NRG4: variants seen among roughly 807,000 people sequenced by gnomAD.
The protein encoded by NRG4 is neuregulin 4.
Under a neutral mutation model 15.0 loss-of-function variants are expected in NRG4, and 10 were observed. The observed-to-expected ratio is 0.67, with a 90% CI of 0.41 to 1.13. The LOEUF (loss-of-function observed/expected upper bound fraction) is 1.13. Ranked by LOEUF, NRG4 falls within the 50% of genes most tolerant of loss-of-function variation. The pLI, the probability that NRG4 is intolerant of heterozygous loss-of-function variation, is 0.00. For missense variants in NRG4, 139 were observed against 140.2 expected (o/e 0.99, Z 0.04); for synonymous variants, 41 against 50.1 (o/e 0.82, Z 0.77).
At chr15:75,952,287 T>G (rs538005372) in intron 5 of NRG4, among the ~76,000 whole-genome samples, 3 of 152,320 alleles carry the variant, frequency 2.0e-5, no homozygotes, top group African/African-American at 7.2e-5. Flanking sequence ...ACTGTCTGTC[T>G]CTATAGATTT....
intron 4 of NRG4, among the ~76,000 whole-genome samples, chr15:76,050,357 G>A (rs1442595933): frequency 6.7e-6 from 1 of 149,846 alleles, no homozygotes; most frequent in Non-Finnish European, 1.5e-5. Context: ...CCTTCGTAGA[G>A]GTTAGAAAAG....
intron 4 of NRG4, among the ~76,000 whole-genome samples, chr15:76,047,044 A>G (rs2035884103): frequency 6.6e-6 from 1 of 151,042 alleles, no homozygotes; most frequent in South Asian, 2.1e-4. Context: ...CAAATGGTCA[A>G]CATGTGTATT....
At chr15:76,007,846 T>C (rs150541307) in intron 3 of NRG4, among the ~76,000 whole-genome samples, 16 of 152,286 alleles carry the variant, frequency 1.1e-4, no homozygotes, top group Non-Finnish European at 1.9e-4. Flanking sequence ...TTGTGAGTTG[T>C]ATTCAAAGGT....
intron 3 of NRG4, among the ~76,000 whole-genome samples, chr15:76,004,625 T>TTA (rs933445186): frequency 2.0e-5 from 3 of 151,618 alleles, no homozygotes; most frequent in Non-Finnish European, 4.4e-5. Flanking sequence ...AAATTTTTTT[T>TTA]TACTATGAAT....
rs1595980309 is a variant in NRG4, at chr15:75,977,963, C to G, written c.105-15989G>C. Among the ~76,000 whole-genome samples, 1 of 151,922 alleles carries G rather than the reference C, an allele frequency of 6.6e-6. No individual in the cohort carries two copies. The highest frequency in any genetic ancestry group is 2.4e-5 in the African/African-American group (1 of 41,338). On this transcript the variant is annotated intron_variant, in intron 3 of 5. Coordinates refer to ENST00000394907, the MANE Select transcript of NRG4 (RefSeq NM_138573.4). The surrounding 1 kb of genome is among the most constrained non-coding windows in gnomAD (Gnocchi z 4.9). ...TCCCAAGTAGCTGGGATCACAGGTG[C>G]CTGCCACCATGCCCAGCTAATTTTT...
intron 3 of NRG4, among the ~76,000 whole-genome samples, chr15:76,004,374 G>C (rs2034518721): frequency 6.6e-6 from 1 of 152,082 alleles, no homozygotes. Context: ...GCTGAGGCAG[G>C]CACATCACCT....
chr15:75,949,436 G>T (rs1327033181), intron 5 of NRG4, among the ~76,000 whole-genome samples: 1 of 150,686 alleles, frequency 6.6e-6, no homozygotes, highest in Non-Finnish European at 1.5e-5. Context: ...TAAATGGGCT[G>T]TCTTTTTATT....
intron 4 of NRG4, among the ~76,000 whole-genome samples, chr15:76,042,782 A>G (rs2035775214): frequency 1.3e-5 from 2 of 152,144 alleles, no homozygotes; most frequent in African/African-American, 4.8e-5. Flanking sequence ...AGAGAGGAGG[A>G]GGGAATAGTT....
chr15:75,944,678 C>T (rs1362164419), intron 5 of NRG4, among the ~76,000 whole-genome samples: 1 of 152,202 alleles, frequency 6.6e-6, no homozygotes, highest in Non-Finnish European at 1.5e-5. Flanking sequence ...AAGTCCCAGT[C>T]TTCATAATCG....
chr15:75,967,958 T>C (rs748514393), intron 3 of NRG4, among the ~76,000 whole-genome samples: 31 of 152,218 alleles, frequency 2.0e-4, no homozygotes, highest in Non-Finnish European at 2.6e-4. Context: ...AAGTAAGTCA[T>C]TGAAAATTTG....
intron 3 of NRG4, among the ~76,000 whole-genome samples, chr15:75,963,992 AAC>A (rs1447106702): frequency 1.3e-5 from 2 of 151,840 alleles, no homozygotes; most frequent in Non-Finnish European, 2.9e-5. Context: ...TATGGTGGGA[AAC>A]ACAATTTATA....
At chr15:76,048,462 ACT>A (rs1162013240) in intron 4 of NRG4, among the ~76,000 whole-genome samples, 1 of 123,502 alleles carries the variant, frequency 8.1e-6, no homozygotes, top group East Asian at 2.2e-4. Context: ...ACAAAACAAG[ACT>A]CTGACTCAAA....
chr15:75,936,908 T>G (rs975722899), downstream of NRG4: 10 of 152,058 alleles, frequency 6.6e-5, no homozygotes, highest in African/African-American at 2.2e-4. Flanking sequence ...TTTATAAAAG[T>G]TTTTGCTATA....
intron 3 of NRG4, among the ~76,000 whole-genome samples, chr15:75,965,386 A>G (rs1179052850): frequency 6.6e-6 from 1 of 152,218 alleles, no homozygotes; most frequent in Non-Finnish European, 1.5e-5. Context: ...TACAAAGTAA[A>G]CCAAGCAACA....
chr15:75,995,185 G>T (rs1321050357), intron 3 of NRG4, among the ~76,000 whole-genome samples: 1 of 151,202 alleles, frequency 6.6e-6, no homozygotes, highest in Non-Finnish European at 1.5e-5. Flanking sequence ...ACTCCAGAGT[G>T]AGACCCTGTC....
intron 2 of NRG4, among the ~76,000 whole-genome samples, chr15:76,053,825 C>T (rs565944083): frequency 7.9e-5 from 12 of 151,020 alleles, no homozygotes; most frequent in Non-Finnish European, 1.5e-4. Context: ...GCCACTGCAC[C>T]CGGCCTGTAC....
intron 3 of NRG4, among the ~76,000 whole-genome samples, chr15:75,991,795 G>T (rs2034027854): frequency 6.6e-6 from 1 of 151,842 alleles, no homozygotes; most frequent in Admixed American, 6.6e-5. Flanking sequence ...TCTTCCTGAT[G>T]ACTCCCTCCC....
intron 3 of NRG4, among the ~76,000 whole-genome samples, chr15:75,979,070 G>C (rs747345435): frequency 2.6e-5 from 4 of 151,972 alleles, no homozygotes; most frequent in Non-Finnish European, 5.9e-5. Flanking sequence ...AATTCTGTAG[G>C]TTGTCTCTTC....
At chr15:75,944,926 AC>A (rs1347595784) in intron 5 of NRG4, among the ~76,000 whole-genome samples, 5 of 151,748 alleles carry the variant, frequency 3.3e-5, no homozygotes, top group African/African-American at 9.7e-5. Flanking sequence ...TTACAAAAAA[AC>A]AACAGTAATT....
Sources: allele counts gnomAD v4.1 joint callset (sites outside exome capture counted in the v4.1 genomes callset), GRCh38; gene constraint gnomAD v4.1.1; non-coding constraint Gnocchi (gnomAD v3.1); transcripts MANE v1.5; gene names NCBI Gene and HGNC (gene_info 2026-07-23, HGNC 2026-07-21).